Variants in PRKCE observed in about 807,000 individuals in gnomAD.
The protein encoded by PRKCE is protein kinase C epsilon type.
In PRKCE, 16 loss-of-function variants were observed where a neutral mutation model predicts 85.4. That is an observed-to-expected ratio of 0.19 (90% CI 0.13 to 0.28). The LOEUF is 0.28. Among genes scored for constraint, PRKCE ranks in the 10% least tolerant of loss-of-function variants. PRKCE has a pLI of 1.00. For synonymous variants in PRKCE, 388 were observed against 371.5 expected (o/e 1.04, Z -0.51); for missense variants, 573 against 975.2 (o/e 0.59, Z 5.49).
At chr2:46,031,372 T>C (rs1277019182) in intron 10 of PRKCE, among the ~76,000 whole-genome samples, 2 of 152,218 alleles carry the variant, frequency 1.3e-5, no homozygotes, top group Non-Finnish European at 2.9e-5. Context: ...CCCTTGATTG[T>C]CCTGACCTCC....
chr2:45,734,045 T>G (rs1484284217), intron 1 of PRKCE, among the ~76,000 whole-genome samples: 1 of 152,064 alleles, frequency 6.6e-6, no homozygotes, highest in Non-Finnish European at 1.5e-5. Context: ...TGAGGCTGGG[T>G]AATTATGAAG....
At chr2:45,699,061 C>G (rs1252682137) in intron 1 of PRKCE, among the ~76,000 whole-genome samples, 2 of 152,030 alleles carry the variant, frequency 1.3e-5, no homozygotes, top group African/African-American at 4.8e-5. Flanking sequence ...TTTTAATAGA[C>G]GCCTTATACC....
At chr2:45,934,920 G>C (rs1699319761) in intron 2 of PRKCE, among the ~76,000 whole-genome samples, 1 of 151,424 alleles carries the variant, frequency 6.6e-6, no homozygotes, top group African/African-American at 2.4e-5. Flanking sequence ...AATTAGCCAG[G>C]CATGGTGGCA....
chr2:45,828,784 A>C (rs907837996), intron 1 of PRKCE, among the ~76,000 whole-genome samples: 3 of 152,186 alleles, frequency 2.0e-5, no homozygotes, highest in African/African-American at 4.8e-5. Flanking sequence ...TATTTTTAAC[A>C]AAAAAGCTAT....
At chr2:45,667,260 G>A (rs533510096) in intron 1 of PRKCE, among the ~76,000 whole-genome samples, 3 of 151,604 alleles carry the variant, frequency 2.0e-5, no homozygotes, top group South Asian at 4.2e-4. Context: ...GCGGTGAGCC[G>A]AGATCACACC....
chr2:45,890,420 C>T (rs1182593908), intron 2 of PRKCE, among the ~76,000 whole-genome samples: 1 of 152,112 alleles, frequency 6.6e-6, no homozygotes, highest in Non-Finnish European at 1.5e-5. Flanking sequence ...CACTCTGTCT[C>T]CCAGACTGGA....
At chr2:46,076,400 C>G (rs1415621219) in intron 10 of PRKCE, among the ~76,000 whole-genome samples, 1 of 152,198 alleles carries the variant, frequency 6.6e-6, no homozygotes, top group East Asian at 1.9e-4. Context: ...CCGTGGCTTT[C>G]ACACACAGAT....
intron 5 of PRKCE, 147 bp downstream of exon 5, chr2:45,980,528 G>T: frequency 1.3e-6 from 1 of 749,294 alleles, no homozygotes; most frequent in Non-Finnish European, 2.2e-6. Flanking sequence ...AGCTGTCCAC[G>T]GTCTTCTGGC....
At chr2:46,160,392 G>A (rs887468326) in intron 14 of PRKCE, among the ~76,000 whole-genome samples, 1 of 152,170 alleles carries the variant, frequency 6.6e-6, no homozygotes, top group Admixed American at 6.5e-5. Context: ...TTTCAGTCTG[G>A]GCTCGACTCA....
At chr2:46,069,436 C>G (rs1667888936) in intron 10 of PRKCE, among the ~76,000 whole-genome samples, 1 of 152,056 alleles carries the variant, frequency 6.6e-6, no homozygotes, top group South Asian at 2.1e-4. Flanking sequence ...AAAAAATACT[C>G]CAATCAACAA....
intron 1 of PRKCE, among the ~76,000 whole-genome samples, chr2:45,692,903 T>C (rs1677853295): frequency 6.6e-6 from 1 of 152,086 alleles, no homozygotes; most frequent in Non-Finnish European, 1.5e-5. Flanking sequence ...TGCAGGGTGT[T>C]TCAAGCTGAA....
intron 2 of PRKCE, among the ~76,000 whole-genome samples, chr2:45,865,815 CTTTT>C (rs36102606): frequency 3.0e-5 from 4 of 133,666 alleles, no homozygotes; most frequent in African/African-American, 8.4e-5. Flanking sequence ...TCTTCTTCTT[CTTTT>C]TTTTTTTTTT....
At chr2:45,910,966 G>C (rs1374630178) in intron 2 of PRKCE, among the ~76,000 whole-genome samples, 1 of 152,172 alleles carries the variant, frequency 6.6e-6, no homozygotes, top group African/African-American at 2.4e-5. Flanking sequence ...TGGGAGACTG[G>C]GGAATGGAAA....
chr2:45,819,112 G>A (rs757346550), intron 1 of PRKCE, among the ~76,000 whole-genome samples: 3 of 152,162 alleles, frequency 2.0e-5, no homozygotes, highest in Non-Finnish European at 4.4e-5. Context: ...CCAGGGAGAT[G>A]CTGCTGCTGA....
At position 46,184,434 on chromosome 2, in the gene PRKCE, AACAC is replaced by A. The variant is rs3834107; in HGVS notation, c.2068-276_2068-273del. 9.4e-3 allele frequency among the ~76,000 whole-genome samples: 1,403 copies of A among 149,152 alleles called. 11 individuals carry two copies. Among genetic ancestry groups the A allele is most frequent in the Middle Eastern group, 0.048 (14 of 292 alleles). ...GGGACCTTTGCATCATACACACACA[AACAC>A]ACACACACACACACACACACACACG... On this transcript the variant is annotated intron_variant, in intron 14 of 14. Transcript: ENST00000306156. The surrounding 1 kb of genome is among the most constrained non-coding windows in gnomAD (Gnocchi z 5.0).
intron 10 of PRKCE, among the ~76,000 whole-genome samples, chr2:46,069,412 A>G (rs572651849): frequency 1.3e-5 from 2 of 152,136 alleles, no homozygotes; most frequent in African/African-American, 2.4e-5. Flanking sequence ...TTTTTAAAGT[A>G]TATACTTTGC....
chr2:46,022,773 C>T (rs1706772893), intron 10 of PRKCE, among the ~76,000 whole-genome samples: 1 of 152,216 alleles, frequency 6.6e-6, no homozygotes, highest in African/African-American at 2.4e-5. Flanking sequence ...TAGCTTCTGT[C>T]TTATCCAGTT....
intron 5 of PRKCE, among the ~76,000 whole-genome samples, chr2:45,983,584 A>G (rs1347674006): frequency 2.6e-5 from 4 of 152,000 alleles, no homozygotes; most frequent in African/African-American, 4.8e-5. Flanking sequence ...GGTCTCATTG[A>G]CCCTGCCATC....
intron 2 of PRKCE, among the ~76,000 whole-genome samples, chr2:45,929,443 C>T (rs1008549593): frequency 2.6e-5 from 4 of 152,052 alleles, no homozygotes; most frequent in East Asian, 1.9e-4. Flanking sequence ...TATCCCCCCA[C>T]GGGACTGAGT....
Sources: allele counts gnomAD v4.1 joint callset (sites outside exome capture counted in the v4.1 genomes callset), GRCh38; gene constraint gnomAD v4.1.1; non-coding constraint Gnocchi (gnomAD v3.1); transcripts MANE v1.5; gene names NCBI Gene and HGNC (gene_info 2026-07-23, HGNC 2026-07-21).